Variants in LTBP1 observed in about 807,000 individuals in gnomAD.
LTBP1 encodes the protein latent transforming growth factor beta binding protein 1.
A neutral mutation model predicts 207.6 loss-of-function variants in LTBP1; 129 were observed. That is an observed-to-expected ratio of 0.62 (90% CI 0.54 to 0.72). LTBP1 has a LOEUF of 0.72. Ranked by LOEUF, LTBP1 falls within the 30% of genes least tolerant of loss-of-function variation. The pLI is 0.00. For missense variants in LTBP1, 2,281 were observed against 2,217.2 expected (o/e 1.03, Z -0.58); for synonymous variants, 963 against 833.7 (o/e 1.16, Z -2.67).
chr2:33,040,186 G>A (rs377435902), intron 3 of LTBP1, among the ~76,000 whole-genome samples: 4 of 152,180 alleles, frequency 2.6e-5, no homozygotes, highest in Non-Finnish European at 1.5e-5. Context: ...GCAGTAATCA[G>A]TAGTTAGTGA....
rs184884042 is a variant in LTBP1, at chr2:33,393,981, A to G, written c.4835-3152A>G. 2.4e-3 allele frequency among the ~76,000 whole-genome samples: 363 copies of G among 150,178 alleles called. 14 individuals are homozygous for G. Among genetic ancestry groups the G allele is most frequent in the Non-Finnish European group, 4.5e-3 (303 of 67,030 alleles). On this transcript the variant is annotated intron_variant, in intron 32 of 33. Coordinates refer to ENST00000404816, the MANE Select transcript of LTBP1 (RefSeq NM_206943.4). ...GTTTCCTGACTTTTTAATGATCGCCATTGTAATTGGTGTGAGATGGTATCT... is the reference window on the plus strand; with the variant it reads ...GTTTCCTGACTTTTTAATGATCGCCGTTGTAATTGGTGTGAGATGGTATCT...
At chr2:33,246,335 C>T (rs1273869632) in intron 10 of LTBP1, among the ~76,000 whole-genome samples, 4 of 152,088 alleles carry the variant, frequency 2.6e-5, no homozygotes, top group Non-Finnish European at 5.9e-5. Context: ...CTGTGAAGAG[C>T]TTGATGGGGG....
chr2:32,948,791 G>A, intron 1 of LTBP1, 84 bp from the exon 2 acceptor site: 1 of 1,288,530 alleles, frequency 7.8e-7, no homozygotes. Context: ...CTGGAGGCTG[G>A]CCTTTCTGGA....
At chr2:33,084,407 G>C (rs2078627564) in intron 3 of LTBP1, among the ~76,000 whole-genome samples, 2 of 152,140 alleles carry the variant, frequency 1.3e-5, no homozygotes, top group South Asian at 4.1e-4. Flanking sequence ...CTGCTGGTGG[G>C]AGGCGTCCTG....
intron 2 of LTBP1, among the ~76,000 whole-genome samples, chr2:32,961,362 A>G (rs17324284): frequency 0.11 from 16,298 of 152,282 alleles, 1,101 homozygotes; most frequent in Middle Eastern, 0.16. Flanking sequence ...ACTGGTCACT[A>G]TTGTGTTAAA....
At chr2:33,388,372 C>T (rs1199697637) in intron 31 of LTBP1, among the ~76,000 whole-genome samples, 2 of 152,134 alleles carry the variant, frequency 1.3e-5, no homozygotes, top group African/African-American at 4.8e-5. Flanking sequence ...GCAGGGGAGA[C>T]AAATGTGAAA....
chr2:33,092,956 C>T (rs1004567960), intron 3 of LTBP1, among the ~76,000 whole-genome samples: 1 of 152,202 alleles, frequency 6.6e-6, no homozygotes, highest in African/African-American at 2.4e-5. Context: ...TGCACTCCTT[C>T]CTTTTAGGGG....
At chr2:33,295,112 T>A (rs2093849574) in intron 20 of LTBP1, among the ~76,000 whole-genome samples, 2 of 152,160 alleles carry the variant, frequency 1.3e-5, no homozygotes, top group Admixed American at 6.5e-5. Context: ...TGAACACTTC[T>A]AATTTTTAAA....
intron 3 of LTBP1, among the ~76,000 whole-genome samples, chr2:33,044,425 C>G (rs189925798): frequency 4.6e-5 from 7 of 152,266 alleles, no homozygotes; most frequent in Admixed American, 3.3e-4. Flanking sequence ...TCAGCCATGT[C>G]CCTGCAAAGG....
intron 26 of LTBP1, among the ~76,000 whole-genome samples, chr2:33,352,899 G>A (rs1460143545): frequency 2.0e-5 from 3 of 150,316 alleles, no homozygotes; most frequent in Non-Finnish European, 2.9e-5. Context: ...AAACAATTAC[G>A]CTTTCCCAAG....
At chr2:33,131,178 T>C (rs1319212160) in intron 4 of LTBP1, among the ~76,000 whole-genome samples, 1 of 152,196 alleles carries the variant, frequency 6.6e-6, no homozygotes, top group East Asian at 1.9e-4. Context: ...TATTCCACAA[T>C]TATTGGGTGC....
intron 24 of LTBP1, among the ~76,000 whole-genome samples, chr2:33,318,337 A>G (rs188208397): frequency 6.6e-6 from 1 of 152,142 alleles, no homozygotes; most frequent in Non-Finnish European, 1.5e-5. Flanking sequence ...GTGGGCAGCT[A>G]TTTGTCATTT....
At chr2:33,024,684 G>T (rs1265007963) in intron 3 of LTBP1, among the ~76,000 whole-genome samples, 16 of 152,152 alleles carry the variant, frequency 1.1e-4, no homozygotes, top group Admixed American at 1.0e-3. Flanking sequence ...CCTTAGAGAA[G>T]GTGTCTGTGA....
intron 3 of LTBP1, among the ~76,000 whole-genome samples, chr2:33,055,952 G>A (rs913674749): frequency 5.3e-5 from 8 of 152,196 alleles, no homozygotes; most frequent in Non-Finnish European, 8.8e-5. Context: ...GGGAGGCTAG[G>A]ATATGGGGGT....
chr2:33,194,452 G>C (rs2088305605), intron 7 of LTBP1, among the ~76,000 whole-genome samples: 1 of 152,210 alleles, frequency 6.6e-6, no homozygotes, highest in Admixed American at 6.5e-5. Flanking sequence ...GAGAGTACAT[G>C]AATGATAAGA....
chr2:33,186,710 A>C (rs549836892), intron 5 of LTBP1, 146 bp from the exon 6 acceptor site: 1 of 631,822 alleles, frequency 1.6e-6, no homozygotes, highest in African/African-American at 1.8e-5. Context: ...TGGCATAGCG[A>C]GTTTACTCCT....
intron 9 of LTBP1, among the ~76,000 whole-genome samples, chr2:33,229,595 A>T (rs986121009): frequency 6.6e-6 from 1 of 152,266 alleles, no homozygotes; most frequent in Non-Finnish European, 1.5e-5. Flanking sequence ...ATACCACTTT[A>T]GAAGTGATAG....
At chr2:33,099,147 G>A (rs999577209) in intron 3 of LTBP1, among the ~76,000 whole-genome samples, 4 of 152,194 alleles carry the variant, frequency 2.6e-5, no homozygotes, top group African/African-American at 9.7e-5. Flanking sequence ...GGTCCTGTAG[G>A]GCAGTAGATA....
intron 2 of LTBP1, among the ~76,000 whole-genome samples, chr2:33,007,657 C>G (rs956897024): frequency 2.0e-5 from 3 of 152,110 alleles, no homozygotes; most frequent in Non-Finnish European, 4.4e-5. Flanking sequence ...TGTAGAATTC[C>G]AATAGTAGAA....
Sources: allele counts gnomAD v4.1 joint callset (sites outside exome capture counted in the v4.1 genomes callset), GRCh38; gene constraint gnomAD v4.1.1; transcripts MANE v1.5; gene names NCBI Gene and HGNC (gene_info 2026-07-23, HGNC 2026-07-21).